COX7B2: variants seen among roughly 807,000 people sequenced by gnomAD.
COX7B2 encodes the protein cytochrome c oxidase subunit 7B2, mitochondrial.
For missense variants in COX7B2, 109 were observed against 95.9 expected (o/e 1.14, Z -0.57); for synonymous variants, 37 against 32.1 (o/e 1.15, Z -0.51).
At chr4:46,800,518 C>T (rs972093676) in intron 2 of COX7B2, among the ~76,000 whole-genome samples, 2 of 152,024 alleles carry the variant, frequency 1.3e-5, no homozygotes, top group African/African-American at 2.4e-5. Flanking sequence ...GCACCCTATT[C>T]GATACATGGT....
chr4:46,796,036 T>C (rs1718314638), intron 2 of COX7B2, among the ~76,000 whole-genome samples: 1 of 99,690 alleles, frequency 1.0e-5, no homozygotes, highest in East Asian at 2.3e-4. Context: ...CTTGTGATTT[T>C]TGTACATTGA....
chr4:46,763,135 GTA>G (rs1716316069), intron 2 of COX7B2, among the ~76,000 whole-genome samples: 1 of 79,904 alleles, frequency 1.3e-5, no homozygotes, highest in South Asian at 4.6e-4. Flanking sequence ...AATTATAATT[GTA>G]TAATTATATA....
intron 1 of COX7B2, among the ~76,000 whole-genome samples, chr4:46,871,630 T>C (rs1717995767): frequency 6.7e-6 from 1 of 148,156 alleles, no homozygotes; most frequent in Non-Finnish European, 1.5e-5. Flanking sequence ...AGTTTAAACA[T>C]ATTTACAAGA....
chr4:46,849,900 ATATAAC>A (rs1716553392), intron 1 of COX7B2, among the ~76,000 whole-genome samples: 1 of 152,090 alleles, frequency 6.6e-6, no homozygotes, highest in Admixed American at 6.6e-5. Context: ...GAATATGTTC[ATATAAC>A]TACCATACTT....
At chr4:46,876,742 A>C (rs188974307) in intron 1 of COX7B2, 21 of 152,270 alleles carry the variant, frequency 1.4e-4, no homozygotes, top group Admixed American at 6.5e-4. Flanking sequence ...CATTTTCTAA[A>C]ACAAGAATAG....
At chr4:46,898,912 G>C (rs1719923221) in intron 1 of COX7B2, among the ~76,000 whole-genome samples, 1 of 152,074 alleles carries the variant, frequency 6.6e-6, no homozygotes, top group Non-Finnish European at 1.5e-5. Context: ...ATTAATCAAT[G>C]AACACAGTGT....
intron 2 of COX7B2, among the ~76,000 whole-genome samples, chr4:46,747,973 T>C (rs932855192): frequency 1.3e-5 from 2 of 152,206 alleles, no homozygotes; most frequent in Non-Finnish European, 2.9e-5. Context: ...AGAACCAAGA[T>C]AGTTAAAATC....
At chr4:46,810,628 T>G (rs1719239959) in intron 2 of COX7B2, among the ~76,000 whole-genome samples, 1 of 152,116 alleles carries the variant, frequency 6.6e-6, no homozygotes, top group Non-Finnish European at 1.5e-5. Flanking sequence ...TTAGTTATTT[T>G]TGATGATTTT....
At chr4:46,848,581 A>G (rs1218855730) in intron 1 of COX7B2, among the ~76,000 whole-genome samples, 5 of 152,078 alleles carry the variant, frequency 3.3e-5, no homozygotes, top group African/African-American at 1.2e-4. Context: ...TTTGAAAGCA[A>G]TTATTCCTCT....
intron 2 of COX7B2, among the ~76,000 whole-genome samples, chr4:46,804,357 CTCT>C (rs2109638047): frequency 6.6e-6 from 1 of 152,286 alleles, no homozygotes; most frequent in South Asian, 2.1e-4. Context: ...TGCTTTTATT[CTCT>C]TATCTGGCTC....
chr4:46,883,609 G>A (rs755699956), intron 1 of COX7B2, among the ~76,000 whole-genome samples: 13 of 151,902 alleles, frequency 8.6e-5, no homozygotes, highest in South Asian at 2.1e-4. Context: ...ATGGTGGCAC[G>A]TGCCTGTTGT....
In COX7B2 at chr4:46,907,716, TA is replaced by T. The variant is rs372895992; in HGVS notation, c.-105+1443del. Among the ~76,000 whole-genome samples the T allele has an allele frequency of 1.9e-3, 269 of 143,218 alleles. 1 individual carries two copies. The highest frequency in any genetic ancestry group is 4.6e-3 in the African/African-American group (178 of 39,096). 94.0% of individuals were successfully genotyped at this position (143,218 alleles called of 152,430 possible). A position where few individuals can be genotyped will look rare whatever the true frequency, so the allele number is the denominator to read the frequency against. On this transcript the variant is annotated intron_variant, in intron 1 of 2. Coordinates refer to ENST00000355591, the MANE Select transcript of COX7B2 (RefSeq NM_130902.3). Reference sequence around the variant, plus strand: ...TGTTAAATTCAAAGCCACTGTGAGATAAAAAAAAAAATAGGAACAACTATTA... The same window carrying T: ...TGTTAAATTCAAAGCCACTGTGAGATAAAAAAAAAATAGGAACAACTATTA...
At chr4:46,901,581 G>A (rs536550923) in intron 1 of COX7B2, among the ~76,000 whole-genome samples, 1 of 152,312 alleles carries the variant, frequency 6.6e-6, no homozygotes, top group South Asian at 2.1e-4. Context: ...CAAATAGCTA[G>A]TAAAACATTA....
At chr4:46,882,300 C>T (rs894130154) in intron 1 of COX7B2, among the ~76,000 whole-genome samples, 8 of 152,114 alleles carry the variant, frequency 5.3e-5, no homozygotes, top group Non-Finnish European at 1.0e-4. Context: ...CTGTAAAGGT[C>T]TATCAGATCC....
At chr4:46,793,029 G>A (rs1006293389) in intron 2 of COX7B2, among the ~76,000 whole-genome samples, 3 of 152,306 alleles carry the variant, frequency 2.0e-5, no homozygotes, top group Admixed American at 1.3e-4. Context: ...CACAAAACAC[G>A]GCTTGGCAGT....
intron 2 of COX7B2, among the ~76,000 whole-genome samples, chr4:46,769,085 TA>T (rs1182262275): frequency 6.6e-6 from 1 of 152,016 alleles, no homozygotes; most frequent in Non-Finnish European, 1.5e-5. Flanking sequence ...ACTTTACTGG[TA>T]AATTCTAACA....
rs191801156 is a variant in COX7B2, at chr4:46,859,017, C to A, written c.-104-14003G>T. Among the ~76,000 whole-genome samples, 1,187 of 152,292 alleles carry A rather than the reference C, an allele frequency of 7.8e-3. 19 individuals are homozygous for A. The highest frequency in any genetic ancestry group is 0.027 in the African/African-American group (1,142 of 41,550). On this transcript the variant is annotated intron_variant, in intron 1 of 2. Coordinates refer to ENST00000355591, the MANE Select transcript of COX7B2 (RefSeq NM_130902.3). ...CAGAACCTCAAACTAGATCTGTCAA[C>A]TTACGATGTAAAAAATACTCTTTCA...
intron 1 of COX7B2, among the ~76,000 whole-genome samples, chr4:46,908,268 CTA>C (rs1332104348): frequency 6.6e-6 from 1 of 152,086 alleles, no homozygotes; most frequent in Non-Finnish European, 1.5e-5. Flanking sequence ...CACAAAAAGA[CTA>C]TAATCATACC....
At chr4:46,839,760 C>G (rs766597762) in intron 2 of COX7B2, among the ~76,000 whole-genome samples, 6 of 152,040 alleles carry the variant, frequency 3.9e-5, no homozygotes, top group African/African-American at 9.6e-5. Context: ...TTTTATGTTT[C>G]TGTGCCTTCA....
Sources: allele counts gnomAD v4.1 joint callset (sites outside exome capture counted in the v4.1 genomes callset), GRCh38; gene constraint gnomAD v4.1.1; transcripts MANE v1.5; gene names NCBI Gene and HGNC (gene_info 2026-07-23, HGNC 2026-07-21).